ERC2: variants seen among roughly 807,000 people sequenced by gnomAD.
ERC2 encodes ERC protein 2.
In ERC2, 42 loss-of-function variants were observed where a neutral mutation model predicts 114.8. The observed-to-expected ratio is 0.37, with a 90% CI of 0.29 to 0.47. The LOEUF (loss-of-function observed/expected upper bound fraction) is 0.47. Among genes scored for constraint, ERC2 ranks in the 20% least tolerant of loss-of-function variants. ERC2 has a pLI of 0.99. For synonymous variants in ERC2, 454 were observed against 425.5 expected (o/e 1.07, Z -0.82); for missense variants, 939 against 1,150.7 (o/e 0.82, Z 2.66).
At chr3:55,536,208 T>C (rs2053990588) in intron 17 of ERC2, among the ~76,000 whole-genome samples, 2 of 152,182 alleles carry the variant, frequency 1.3e-5, no homozygotes, top group Admixed American at 1.3e-4. Context: ...CTCCACTCTC[T>C]GATTTAGCTT....
chr3:56,416,775 T>C (rs1424069381), intron 2 of ERC2, among the ~76,000 whole-genome samples: 1 of 151,352 alleles, frequency 6.6e-6, no homozygotes, highest in Non-Finnish European at 1.5e-5. Context: ...GAATGAAAGC[T>C]CCATACAGGC....
At position 55,743,723 on chromosome 3, in the gene ERC2, G is replaced by A. The variant is rs933452322; in HGVS notation, c.2565-8805C>T. Among the ~76,000 whole-genome samples, 7 of 152,136 alleles carry A rather than the reference G, an allele frequency of 4.6e-5. No individual in the cohort carries two copies. The East Asian group carries it at 1.4e-3, about 29-fold the overall frequency. The stretch of plus-strand genomic sequence containing the variant: ...TTACTCAAGTTTTTAAGAGGAGGAG[G>A]TACTGATCTTTATTTAGTGCTGGGG... On this transcript the variant is annotated intron_variant, in intron 14 of 17. Transcript: ENST00000288221.
At position 56,402,912 on chromosome 3, in the gene ERC2, T is replaced by C. The variant is rs568201678; in HGVS notation, c.657+31439A>G. Among the ~76,000 whole-genome samples the C allele has an allele frequency of 5.9e-5, 9 of 152,338 alleles. No homozygotes were observed. In the East Asian group the frequency reaches 1.5e-3, roughly 26 times the overall value. On this transcript the variant is annotated intron_variant, in intron 2 of 17. Transcript: ENST00000288221. ...ACATTTTGGGCTGGATAATTCTTTG[T>C]TGCAAGGGACTCTTCTCAGCACTGT...
At chr3:55,641,473 C>T (rs933240312) in intron 17 of ERC2, among the ~76,000 whole-genome samples, 1 of 143,122 alleles carries the variant, frequency 7.0e-6, no homozygotes, top group Non-Finnish European at 1.5e-5. Context: ...TTGCTTGAAC[C>T]TCGGAGGCAG....
chr3:56,181,687 C>T (rs1224300126), intron 3 of ERC2, among the ~76,000 whole-genome samples: 2 of 152,182 alleles, frequency 1.3e-5, no homozygotes, highest in African/African-American at 4.8e-5. Flanking sequence ...TAACTCACTT[C>T]TAACAAATAG....
At chr3:56,107,267 T>C (rs1182180246) in intron 6 of ERC2, among the ~76,000 whole-genome samples, 8 of 152,004 alleles carry the variant, frequency 5.3e-5, no homozygotes, top group Non-Finnish European at 1.0e-4. Context: ...ATCCACTTTT[T>C]TTTTTTTTTT....
At chr3:55,575,750 A>G (rs1246646527) in intron 17 of ERC2, among the ~76,000 whole-genome samples, 2 of 152,162 alleles carry the variant, frequency 1.3e-5, no homozygotes, top group Admixed American at 1.3e-4. Context: ...AAGGGCACCA[A>G]ATTTACCCCC....
At chr3:56,006,050 A>G (rs978591321) in intron 10 of ERC2, among the ~76,000 whole-genome samples, 8 of 152,046 alleles carry the variant, frequency 5.3e-5, no homozygotes, top group Non-Finnish European at 8.8e-5. Context: ...ATTGGGAAAT[A>G]TATTTTGCAA....
intron 12 of ERC2, among the ~76,000 whole-genome samples, chr3:55,967,950 T>C (rs1370667478): frequency 6.6e-6 from 1 of 152,182 alleles, no homozygotes; most frequent in East Asian, 1.9e-4. Context: ...TCTTGGACTT[T>C]CCATCCTATA....
intron 5 of ERC2, 41 bp downstream of exon 5, chr3:56,148,936 G>A (rs780506350): frequency 1.5e-5 from 24 of 1,579,784 alleles, no homozygotes; most frequent in Non-Finnish European, 2.0e-5. Flanking sequence ...TAACTTTCTA[G>A]TCACATTAAG....
chr3:55,903,682 A>C (rs985891031), intron 13 of ERC2, among the ~76,000 whole-genome samples: 1 of 152,220 alleles, frequency 6.6e-6, no homozygotes, highest in Non-Finnish European at 1.5e-5. Flanking sequence ...AGGCACCTCT[A>C]TCTGGGCAAT....
chr3:56,211,922 C>T (rs749300793), intron 3 of ERC2, among the ~76,000 whole-genome samples: 1 of 152,120 alleles, frequency 6.6e-6, no homozygotes. Context: ...AAACTGGATC[C>T]TCATCTCTCA....
chr3:55,850,118 A>T (rs1434035002), intron 14 of ERC2, among the ~76,000 whole-genome samples: 1 of 152,020 alleles, frequency 6.6e-6, no homozygotes, highest in African/African-American at 2.4e-5. Context: ...TGCCTCCACA[A>T]TCTCTGCCTC....
intron 7 of ERC2, among the ~76,000 whole-genome samples, chr3:56,028,719 A>AT (rs545114467): frequency 1.3e-4 from 19 of 151,928 alleles, no homozygotes; most frequent in Non-Finnish European, 2.5e-4. Flanking sequence ...GTTTTGTTTC[A>AT]TTTTTTGTCC....
chr3:56,220,025 A>G (rs535512161), intron 3 of ERC2, among the ~76,000 whole-genome samples: 66 of 152,326 alleles, frequency 4.3e-4, no homozygotes, highest in African/African-American at 1.5e-3. Flanking sequence ...AATAGTTATC[A>G]TTATCATAAA....
chr3:55,784,918 CT>C (rs1302890925), intron 14 of ERC2, among the ~76,000 whole-genome samples: 2 of 152,104 alleles, frequency 1.3e-5, no homozygotes, highest in African/African-American at 2.4e-5. Context: ...TACTTACCCC[CT>C]AATATGTGTG....
chr3:55,519,774 T>G (rs78836365), intron 17 of ERC2, among the ~76,000 whole-genome samples: 1,564 of 152,298 alleles, frequency 0.01, 15 homozygotes, highest in Middle Eastern at 0.031. Flanking sequence ...GGTTCATGCC[T>G]GTAATCCCAG....
intron 4 of ERC2, among the ~76,000 whole-genome samples, chr3:56,172,501 C>T (rs1340383806): frequency 1.3e-5 from 2 of 152,092 alleles, no homozygotes; most frequent in Non-Finnish European, 2.9e-5. Flanking sequence ...TCATATGCTG[C>T]AAGAAGGATT....
intron 14 of ERC2, among the ~76,000 whole-genome samples, chr3:55,809,739 G>A (rs1344231967): frequency 6.6e-6 from 1 of 151,994 alleles, no homozygotes; most frequent in East Asian, 1.9e-4. Context: ...CAAGCTGGTT[G>A]GCATCCGTGC....
Sources: allele counts gnomAD v4.1 joint callset (sites outside exome capture counted in the v4.1 genomes callset), GRCh38; gene constraint gnomAD v4.1.1; transcripts MANE v1.5; gene names NCBI Gene and HGNC (gene_info 2026-07-23, HGNC 2026-07-21).